The following SPOUT1 variants were observed in gnomAD, a reference collection of about 807,000 sequenced individuals.
SPOUT1 encodes SPOUT domain containing methyltransferase 1, also known as 28S rRNA (uridine-N(3))-methyltransferase.
In SPOUT1, 40 loss-of-function variants were observed where a neutral mutation model predicts 54.8. The ratio of observed to expected loss-of-function variants is 0.73; its 90% CI spans 0.57 to 0.95. The LOEUF (loss-of-function observed/expected upper bound fraction) is 0.95, where lower values mean the gene tolerates loss of function less well. Ranked by LOEUF, SPOUT1 falls within the 40% of genes least tolerant of loss-of-function variation. SPOUT1 has a pLI of 0.00. For synonymous variants in SPOUT1, 193 were observed against 200.3 expected, an observed-to-expected ratio of 0.96 and a Z score of 0.31; for missense variants, 437 against 499.5, an observed-to-expected ratio of 0.87 and a Z score of 1.19.
Position 128,823,902 on chromosome 9 carries a change from A to G in SPOUT1, c.915-8T>C, listed in dbSNP as rs774714602. ...AACACCACAAGAGCATGCCTGGCCC[A>G]TGTAAGAGGGGGTCACCTGAGCGGC... On this transcript the variant is annotated splice_region_variant and splice_polypyrimidine_tract_variant and intron_variant, in intron 10 of 11. Transcript: ENST00000361256. 3 of 1,612,478 alleles carry G rather than the reference A, an allele frequency of 1.9e-6. No individual in the cohort carries two copies. Among genetic ancestry groups the G allele is most frequent in the East Asian group, 2.2e-5 (1 of 44,862 alleles).
intron 1 of SPOUT1, among the ~76,000 whole-genome samples, chr9:128,829,501 G>A (rs1355620693): frequency 6.6e-6 from 1 of 152,210 alleles, no homozygotes; most frequent in Non-Finnish European, 1.5e-5. Context: ...AGCATCCGGA[G>A]GCGAGCAGGG....
chr9:128,820,891 T>G lies in SPOUT1; in HGVS notation c.*1874A>C, dbSNP rs2280845. On this transcript the variant is annotated 3_prime_UTR_variant, in exon 12 of 12. Transcript: ENST00000361256. ...GGGGCGGCAGAACCTCCCACTCACC[T>G]GAGGCCCCTACTGCCACTCACAGGG... The G allele has an allele frequency of 3.8e-4, 592 of 1,538,744 alleles. 5 individuals are homozygous for G. The East Asian group carries it at 0.013, about 33-fold the overall frequency.
At position 128,822,218 on chromosome 9, in the gene SPOUT1, G is replaced by C. The variant is rs1830133518; in HGVS notation, c.*547C>G. On this transcript the variant is annotated 3_prime_UTR_variant, in exon 12 of 12. Transcript: ENST00000361256. ...ACAGAAGTCTCACAGTGAGGGCGTG[G>C]TCCTGCAGGTTGACAGAAGTTAGAG... The C allele has an allele frequency of 7.5e-7, 1 of 1,337,970 alleles. No homozygotes were observed. The highest frequency in any genetic ancestry group is 1.4e-5 in the South Asian group (1 of 71,800). The allele number at this position is 1,337,970 out of a possible 1,614,324, so 82.9% of individuals were successfully genotyped here. A position where few individuals can be genotyped will look rare whatever the true frequency, so the allele number is the denominator to read the frequency against.
chr9:128,828,679 T>C (rs959596733), intron 3 of SPOUT1, 56 bp downstream of exon 3: 36 of 1,599,078 alleles, frequency 2.3e-5, no homozygotes, highest in Non-Finnish European at 2.5e-5. Flanking sequence ...CTGCTCTGCC[T>C]GCAGGACAAC....
chr9:128,829,165 G>C lies in SPOUT1; in HGVS notation c.37-10C>G, dbSNP rs200324036. 1.9e-4 allele frequency: 302 copies of C among 1,612,748 alleles called. No individual in the cohort carries two copies. Among genetic ancestry groups the C allele is most frequent in the Non-Finnish European group, 2.3e-4 (274 of 1,178,720 alleles). ...TTTGGCCGTGTTCACCCTGGAGAAG[G>C]AGTGGTAGGAGGATTATGAGTGTGA... On this transcript the variant is annotated splice_polypyrimidine_tract_variant and intron_variant, in intron 1 of 11. Transcript: ENST00000361256.
rs904780490 is a variant in SPOUT1, at chr9:128,819,924, G to C, written c.*2841C>G. On this transcript the variant is annotated 3_prime_UTR_variant, in exon 12 of 12. Coordinates refer to ENST00000361256, the MANE Select transcript of SPOUT1 (RefSeq NM_016390.4). Reference sequence around the variant, plus strand: ...TCTGACAGGAGGCGGAGCTCAGGCTGCTGTGGGATCAATGGGGGGGTGGCT... The same window carrying C: ...TCTGACAGGAGGCGGAGCTCAGGCTCCTGTGGGATCAATGGGGGGGTGGCT... The C allele has an allele frequency of 6.6e-6, 1 of 152,158 alleles. No individual in the cohort carries two copies. Among genetic ancestry groups the C allele is most frequent in the Non-Finnish European group, 1.5e-5 (1 of 68,134 alleles). 9.4% of individuals were successfully genotyped at this position (152,158 alleles called of 1,614,324 possible). A position where few individuals can be genotyped will look rare whatever the true frequency, so the allele number is the denominator to read the frequency against.
Position 128,829,104 on chromosome 9 carries a change from A to C in SPOUT1, c.82+6T>G. ...TGGGAAGATACTCTTACCCACCCTT[A>C]CTTACTCTGTTGCTTCCATTTTCGC... On this transcript the variant is annotated splice_donor_region_variant and intron_variant, in intron 2 of 11. Coordinates refer to ENST00000361256, the MANE Select transcript of SPOUT1 (RefSeq NM_016390.4). 2 of 1,612,916 alleles carry C rather than the reference A, an allele frequency of 1.2e-6. No individual in the cohort carries two copies. The highest frequency in any genetic ancestry group is 2.2e-5 in the South Asian group (2 of 91,060).
Position 128,822,331 on chromosome 9 carries a change from A to C in SPOUT1, c.*434T>G, listed in dbSNP as rs760339620. ...GTGTGCCTGGGTCTGCCCACAGGAC[A>C]GAGGCTGATGGGAAATCCTACGTAA... On this transcript the variant is annotated 3_prime_UTR_variant, in exon 12 of 12. Transcript: ENST00000361256. 2 of 1,613,218 alleles carry C rather than the reference A, an allele frequency of 1.2e-6. No individual in the cohort carries two copies. Among genetic ancestry groups the C allele is most frequent in the East Asian group, 4.5e-5 (2 of 44,874 alleles).
rs539610999 is a variant in SPOUT1 at position 128,821,185 on chromosome 9, T to C, written c.*1580A>G. ...CGCAGGTCTGCAGTGCACCAAGCTC[T>C]CCCACCTTCCCCCCGCAGGTCTGCA... On this transcript the variant is annotated 3_prime_UTR_variant, in exon 12 of 12. Coordinates refer to ENST00000361256, the MANE Select transcript of SPOUT1 (RefSeq NM_016390.4). The C allele has an allele frequency of 2.6e-4, 82 of 318,888 alleles. No homozygotes were observed. Among genetic ancestry groups the C allele is most frequent in the South Asian group, 5.5e-4 (16 of 29,040 alleles). The allele number at this position is 318,888 out of a possible 1,614,324, so 19.8% of individuals were successfully genotyped here.
Position 128,826,266 on chromosome 9 carries a change from C to T in SPOUT1, c.509-114G>A, listed in dbSNP as rs1830238845. The stretch of plus-strand genomic sequence containing the variant: ...CAGACCTGCGTCTTGGCATCAGACA[C>T]AGGTCTTGCTCTCCCAGGCCTGCTT... On this transcript the variant is annotated intron_variant, in intron 6 of 11. Transcript: ENST00000361256. The surrounding 1 kb of genome is among the most constrained non-coding windows in gnomAD (Gnocchi z 5.5). 6.4e-7 allele frequency: 1 copy of T among 1,556,604 alleles called. No homozygotes were observed. The highest frequency in any genetic ancestry group is 8.8e-7 in the Non-Finnish European group (1 of 1,132,554).
chr9:128,827,129 C>T lies in SPOUT1; in HGVS notation c.271G>A (p.Glu91Lys). 1 of 1,614,104 alleles carries T rather than the reference C, an allele frequency of 6.2e-7. No homozygotes were observed. Among genetic ancestry groups the T allele is most frequent in the Non-Finnish European group, 8.5e-7 (1 of 1,180,044 alleles). ...GSILDNAQSP[E>K]LRTYLAGQIA... is the part of the protein sequence containing the mutation. ...TGACCGGCCAAGTAGGTGCGAAGCT[C>T]CGGCGACTGAGCATTGTCCAGGATG... The change falls in exon 4 of 12, where the codon GAG (glutamate) becomes AAG (lysine). Residue 91 changes from glutamate (E) to lysine (K), a missense_variant. By Grantham distance (56) the Glu-to-Lys change is moderately conservative (BLOSUM62 1). Transcript: ENST00000361256.
chr9:128,828,771 C>G lies in SPOUT1; in HGVS notation c.172G>C (p.Glu58Gln). 2 of 1,614,174 alleles carry G rather than the reference C, an allele frequency of 1.2e-6. No homozygotes were observed. The highest frequency in any genetic ancestry group is 1.7e-6 in the Non-Finnish European group (2 of 1,180,028). Residue 58 changes from glutamate (E) to glutamine (Q), a missense_variant, in exon 3 of 12, where the codon GAA (glutamate) becomes CAA (glutamine). Physicochemically the swap from Glu to Gln is conservative, Grantham distance 29 (BLOSUM62 2). Coordinates refer to ENST00000361256, the MANE Select transcript of SPOUT1 (RefSeq NM_016390.4). ...RAQEEQAKRL[E>Q]EEEAAAEKED... ...TTCTCTGCCGCTGCCTCCTCCTCTT[C>G]CAGGCGCTTTGCCTGTTCCTCCTGT...
In SPOUT1 at chr9:128,822,835, T is replaced by C; in HGVS notation, c.1063-2A>G. On this transcript the variant is annotated splice_acceptor_variant, in intron 11 of 11. Transcript: ENST00000361256. LOFTEE classifies it high-confidence loss of function. Reference sequence around the variant, plus strand: ...GGCCAGGGAGATGAGGATGGCTTCCTGGAAGAGAAGCGTGGCAGTGGGCTG... The same window carrying C: ...GGCCAGGGAGATGAGGATGGCTTCCCGGAAGAGAAGCGTGGCAGTGGGCTG... 1 of 1,582,270 alleles carries C rather than the reference T, an allele frequency of 6.3e-7. No homozygotes were observed.
chr9:128,825,156 G>C, intron 7 of SPOUT1, 107 bp from the exon 8 acceptor site: 1 of 786,350 alleles, frequency 1.3e-6, no homozygotes, highest in South Asian at 1.6e-5. Context: ...AGGGACCAAG[G>C]GGTCCAGGTC....
Position 128,824,889 on chromosome 9 carries a change from T to G in SPOUT1, c.713-20A>C. 1.2e-6 allele frequency: 2 copies of G among 1,606,768 alleles called. No homozygotes were observed. The highest frequency in any genetic ancestry group is 1.7e-6 in the Non-Finnish European group (2 of 1,173,286). ...TGCAGTCTGGAGGGGTAACAGAGTC[T>G]GTAAAGATGGGGTGAGGGAATGGAA... On this transcript the variant is annotated intron_variant, in intron 8 of 11. Coordinates refer to ENST00000361256, the MANE Select transcript of SPOUT1 (RefSeq NM_016390.4).
chr9:128,827,414 T>C (rs1830263030), intron 3 of SPOUT1, among the ~76,000 whole-genome samples: 1 of 152,176 alleles, frequency 6.6e-6, no homozygotes, highest in East Asian at 1.9e-4. Context: ...TGTGGAGCGG[T>C]TAGTAGCAAT....
intron 3 of SPOUT1, 39 bp from the exon 4 acceptor site, chr9:128,827,230 C>A: frequency 6.4e-7 from 1 of 1,568,222 alleles, no homozygotes; most frequent in East Asian, 2.3e-5. Flanking sequence ...GTGTGAGAGG[C>A]AAGGGCCCCC....
In SPOUT1 at chr9:128,821,799, C is replaced by T. The variant is rs776915672; in HGVS notation, c.*966G>A. On this transcript the variant is annotated 3_prime_UTR_variant, in exon 12 of 12. Coordinates refer to ENST00000361256, the MANE Select transcript of SPOUT1 (RefSeq NM_016390.4). ...TCTTGGTTGATGTCACATGCTTCCC[C>T]AGGGCCTGGTCCATGGTAAGGGCTC... 6 of 166,632 alleles carry T rather than the reference C, an allele frequency of 3.6e-5. No individual in the cohort carries two copies. The highest frequency in any genetic ancestry group is 6.6e-5 in the Non-Finnish European group (5 of 76,176). 10.3% of individuals were successfully genotyped at this position (166,632 alleles called of 1,614,324 possible).
chr9:128,828,438 G>A (rs2997907), intron 3 of SPOUT1, among the ~76,000 whole-genome samples: 1 of 151,180 alleles, frequency 6.6e-6, no homozygotes, highest in African/African-American at 2.4e-5. Context: ...GGAGGTTGCA[G>A]TGAGCAGAGA....
Sources: gnomAD v4.1 joint callset for allele counts (sites outside exome capture counted in the v4.1 genomes callset) on GRCh38, gnomAD v4.1.1 for gene constraint, Gnocchi (gnomAD v3.1) non-coding constraint, MANE v1.5 for transcripts, NCBI Gene and HGNC (gene_info 2026-07-23, HGNC 2026-07-21) for gene names.